RIMS2: variants seen among roughly 807,000 people sequenced by gnomAD.
RIMS2 encodes the protein regulating synaptic membrane exocytosis protein 2.
Under a neutral mutation model 174.4 loss-of-function variants are expected in RIMS2, and 59 were observed. The ratio of observed to expected loss-of-function variants is 0.34; its 90% confidence interval spans 0.27 to 0.42. The LOEUF (loss-of-function observed/expected upper bound fraction) is 0.42. RIMS2 is among the 10% of genes least tolerant of loss of function. The pLI, the probability that RIMS2 is intolerant of heterozygous loss-of-function variation, is 1.00. For synonymous variants in RIMS2, 606 were observed against 572.5 expected, an observed-to-expected ratio of 1.06 and a Z score of -0.84; for missense variants, 1,620 against 1,666.3, an observed-to-expected ratio of 0.97 and a Z score of 0.48.
At chr8:104,056,634 C>T (rs1388854745) in intron 19 of RIMS2, among the ~76,000 whole-genome samples, 1 of 152,122 alleles carries the variant, frequency 6.6e-6, no homozygotes, top group African/African-American at 2.4e-5. Flanking sequence ...GTAATCCCAA[C>T]ACTTTGGGAA....
chr8:103,883,032 G>A (rs41414649), intron 3 of RIMS2, among the ~76,000 whole-genome samples: 1 of 151,436 alleles, frequency 6.6e-6, no homozygotes, highest in African/African-American at 2.4e-5. Flanking sequence ...TGATGAAGTT[G>A]TGGTATCAAT....
intron 19 of RIMS2, among the ~76,000 whole-genome samples, chr8:104,170,227 T>C (rs1449317450): frequency 4.6e-5 from 7 of 152,092 alleles, no homozygotes; most frequent in African/African-American, 1.4e-4. Context: ...TGTTGTTGAC[T>C]TTCCGTCTTG....
intron 19 of RIMS2, among the ~76,000 whole-genome samples, chr8:104,082,340 T>C (rs2097437236): frequency 1.3e-5 from 2 of 152,078 alleles, no homozygotes; most frequent in East Asian, 1.9e-4. Context: ...TAAGTAATGA[T>C]GGTACAAAAT....
At chr8:103,895,076 A>T (rs957705248) in intron 4 of RIMS2, among the ~76,000 whole-genome samples, 5 of 151,454 alleles carry the variant, frequency 3.3e-5, no homozygotes, top group African/African-American at 1.2e-4. Flanking sequence ...CAGAATTTAA[A>T]TTACTTTGCT....
chr8:103,852,886 G>A (rs1310754921), intron 3 of RIMS2, among the ~76,000 whole-genome samples: 1 of 151,814 alleles, frequency 6.6e-6, no homozygotes, highest in Non-Finnish European at 1.5e-5. Context: ...GTGTCTTTTG[G>A]GTATAATGAT....
In RIMS2 at chr8:103,997,589, C is replaced by G. The variant is rs561581357; in HGVS notation, c.3044+8168C>G. Among the ~76,000 whole-genome samples the G allele has an allele frequency of 4.6e-5, 7 of 151,570 alleles. No individual in the cohort carries two copies. The East Asian group carries it at 1.2e-3, about 25-fold the overall frequency. ...GGTAGTTATGAGGCATGAAAGGTAG[C>G]AAAGCCAATAGCATGTAATACATAA... On this transcript the variant is annotated intron_variant, in intron 17 of 23. Coordinates refer to ENST00000504942, the Ensembl canonical transcript of RIMS2.
intron 2 of RIMS2, among the ~76,000 whole-genome samples, chr8:103,755,996 G>A (rs1390815072): frequency 6.6e-6 from 1 of 152,152 alleles, no homozygotes; most frequent in Non-Finnish European, 1.5e-5. Context: ...TCCCTTGGCG[G>A]CAAAGAGGTG....
intron 19 of RIMS2, among the ~76,000 whole-genome samples, chr8:104,226,825 A>G (rs1225186025): frequency 1.3e-5 from 2 of 152,212 alleles, no homozygotes; most frequent in African/African-American, 2.4e-5. Flanking sequence ...ACAATTAATA[A>G]GTGGTGGAGT....
intron 1 of RIMS2, among the ~76,000 whole-genome samples, chr8:103,554,559 A>G (rs1185690399): frequency 6.6e-6 from 1 of 152,208 alleles, no homozygotes; most frequent in Non-Finnish European, 1.5e-5. Context: ...GTTGTGTAGA[A>G]AAGGGAACAC....
intron 1 of RIMS2, among the ~76,000 whole-genome samples, chr8:103,636,787 CA>C (rs375509291): frequency 0.34 from 15,961 of 47,116 alleles, 1,014 homozygotes; most frequent in African/African-American, 0.45. Context: ...CCCACCCCCG[CA>C]CCCCCCCCCC....
At chr8:103,525,395 G>C (rs1833486955) in intron 1 of RIMS2, among the ~76,000 whole-genome samples, 1 of 152,182 alleles carries the variant, frequency 6.6e-6, no homozygotes. Context: ...GTTAGCTCTG[G>C]ATAGCTGTTT....
intron 19 of RIMS2, among the ~76,000 whole-genome samples, chr8:104,025,504 CA>C (rs950799368): frequency 2.6e-5 from 4 of 151,904 alleles, no homozygotes; most frequent in African/African-American, 7.3e-5. Context: ...AATATACAAA[CA>C]AAAAAGTTTG....
intron 1 of RIMS2, among the ~76,000 whole-genome samples, chr8:103,533,882 C>T (rs944738248): frequency 1.1e-4 from 16 of 152,122 alleles, no homozygotes; most frequent in African/African-American, 3.6e-4. Flanking sequence ...CAGTGAACTT[C>T]GTTCCTTCTT....
chr8:103,865,933 A>G (rs1477564311), intron 3 of RIMS2, among the ~76,000 whole-genome samples: 1 of 152,172 alleles, frequency 6.6e-6, no homozygotes, highest in Non-Finnish European at 1.5e-5. Flanking sequence ...TATCATTTCA[A>G]CTTATTTCTA....
intron 1 of RIMS2, among the ~76,000 whole-genome samples, chr8:103,637,465 T>C (rs1014977279): frequency 6.6e-6 from 1 of 152,244 alleles, no homozygotes; most frequent in Non-Finnish European, 1.5e-5. Context: ...GTGATTTTTA[T>C]GAAAGATAAG....
intron 1 of RIMS2, among the ~76,000 whole-genome samples, chr8:103,606,938 G>A (rs1235515752): frequency 6.6e-6 from 1 of 151,958 alleles, no homozygotes; most frequent in East Asian, 1.9e-4. Flanking sequence ...ACACTGATGA[G>A]TCTTGACTCT....
At chr8:103,639,956 CTT>C (rs2096188459) in intron 1 of RIMS2, among the ~76,000 whole-genome samples, 1 of 151,810 alleles carries the variant, frequency 6.6e-6, no homozygotes, top group South Asian at 2.1e-4. Context: ...AATGTTGAGT[CTT>C]TCTATTCATG....
At chr8:103,858,513 A>G (rs761618414) in intron 3 of RIMS2, among the ~76,000 whole-genome samples, 19 of 151,868 alleles carry the variant, frequency 1.3e-4, no homozygotes, top group Admixed American at 1.3e-3. Context: ...CTAATTCAGA[A>G]CCTAGTTACT....
chr8:103,661,442 A>G (rs2096599015), intron 1 of RIMS2, among the ~76,000 whole-genome samples: 1 of 152,142 alleles, frequency 6.6e-6, no homozygotes, highest in Non-Finnish European at 1.5e-5. Flanking sequence ...AAAATATTAA[A>G]GCTAGTTGCT....
Sources: allele counts gnomAD v4.1 joint callset (sites outside exome capture counted in the v4.1 genomes callset), GRCh38; gene constraint gnomAD v4.1.1; transcripts MANE v1.5; gene names NCBI Gene and HGNC (gene_info 2026-07-23, HGNC 2026-07-21).